The following UBE2T variants were observed in gnomAD, a reference collection of about 807,000 sequenced individuals.
UBE2T encodes the protein ubiquitin-conjugating enzyme E2 T.
In UBE2T, 15 loss-of-function variants were observed where a neutral mutation model predicts 23.3. The observed-to-expected ratio is 0.64, with a 90% CI of 0.43 to 0.99. The LOEUF is 0.99. Among genes scored for constraint, UBE2T ranks in the 50% least tolerant of loss-of-function variants. UBE2T has a pLI of 0.00. For missense variants in UBE2T, 197 were observed against 234.9 expected, an observed-to-expected ratio of 0.84 and a Z score of 1.05; for synonymous variants, 67 against 78.4, an observed-to-expected ratio of 0.85 and a Z score of 0.77.
In UBE2T at chr1:202,333,541, G is replaced by A; in HGVS notation, c.194C>T (p.Pro65Leu). Residue 65 changes from proline to leucine, a missense_variant, in exon 4 of 7, where the codon CCT becomes CTT. By Grantham distance (98) the Pro-to-Leu change is moderately conservative (BLOSUM62 -3). Transcript: ENST00000646651. The stretch of plus-strand genomic sequence containing the variant: ...TGGAGTGAGAAATCGGATCTGAGGA[G>A]GTTCAAATGGGTACCTATGAAAGAA... The part of the protein sequence containing the change: ...VIIPERYPFE[P>L]PQIRFLTPIY... 6.2e-7 allele frequency: 1 copy of A among 1,613,254 alleles called. No homozygotes were observed. Among genetic ancestry groups the A allele is most frequent in the Non-Finnish European group, 8.5e-7 (1 of 1,179,504 alleles).
intron 3 of UBE2T, 44 bp downstream of exon 3, chr1:202,334,944 TA>T: frequency 6.4e-7 from 1 of 1,569,014 alleles, no homozygotes; most frequent in Non-Finnish European, 8.7e-7. Context: ...TCCCAATTTA[TA>T]AATGCACTTC....
chr1:202,332,027 T>C, intron 6 of UBE2T, 67 bp from the exon 7 acceptor site: 3 of 1,574,854 alleles, frequency 1.9e-6, no homozygotes, highest in Non-Finnish European at 2.6e-6. Context: ...AAAATGAAGC[T>C]CTGTAATATT....
chr1:202,340,446 G>C (rs578017302), intron 1 of UBE2T, among the ~76,000 whole-genome samples: 1 of 151,804 alleles, frequency 6.6e-6, no homozygotes, highest in Non-Finnish European at 1.5e-5. Context: ...CCAGGAAGGC[G>C]GAGGTTGCAG....
chr1:202,337,563 T>C (rs944219304), intron 1 of UBE2T, among the ~76,000 whole-genome samples: 4 of 152,188 alleles, frequency 2.6e-5, no homozygotes, highest in Non-Finnish European at 5.9e-5. Flanking sequence ...CTAACATCAT[T>C]TACTGAATCA....
chr1:202,335,709 T>C lies in UBE2T; in HGVS notation c.46A>G (p.Thr16Ala). Residue 16 changes from threonine to alanine, a missense_variant, in exon 2 of 7, where the codon ACA becomes GCA. Transcript: ENST00000646651. The surrounding 1 kb of genome is among the most constrained non-coding windows in gnomAD (Gnocchi z 4.0). ...RLKRELHMLA[T>A]EPPPGITCWQ... ...CATGTGATGCCTGGGGGTGGCTCTG[T>C]GGCTAACATGTGCAGCTCTCTCTTC... The C allele has an allele frequency of 6.2e-7, 1 of 1,614,128 alleles. No homozygotes were observed. The highest frequency in any genetic ancestry group is 8.5e-7 in the Non-Finnish European group (1 of 1,180,022).
intron 6 of UBE2T, 145 bp from the exon 7 acceptor site, chr1:202,332,105 A>G: frequency 9.8e-7 from 1 of 1,022,438 alleles, no homozygotes; most frequent in Non-Finnish European, 1.3e-6. Flanking sequence ...TCTCAAAGAC[A>G]TCTTCCTCAA....
rs1208846471 is a variant in UBE2T, at chr1:202,332,931, A to C, written c.468+79T>G. The C allele has an allele frequency of 3.3e-5, 16 of 484,874 alleles. 1 individual carries two copies. In the South Asian group the frequency reaches 7.3e-4, roughly 22 times the overall value. The allele number at this position is 484,874 out of a possible 1,614,324, so 30.0% of individuals were successfully genotyped here. A position where few individuals can be genotyped will look rare whatever the true frequency, so the allele number is the denominator to read the frequency against. On this transcript the variant is annotated intron_variant, in intron 6 of 6. Coordinates refer to ENST00000646651, the MANE Select transcript of UBE2T (RefSeq NM_014176.4). Reference sequence around the variant, plus strand: ...TCAAAAAAAAAAAAAAAAAAAAAAAAAAAAAAAAACATTATTTATACATAT... The same window carrying C: ...TCAAAAAAAAAAAAAAAAAAAAAAACAAAAAAAAACATTATTTATACATAT...
At chr1:202,334,967 T>C in intron 3 of UBE2T, 22 bp downstream of exon 3, 2 of 1,607,152 alleles carry the variant, frequency 1.2e-6, no homozygotes, top group South Asian at 1.1e-5. Flanking sequence ...CCATGTAGGT[T>C]GAGAAGCTGA....
intron 1 of UBE2T, among the ~76,000 whole-genome samples, chr1:202,341,540 T>C (rs1655005142): frequency 8.6e-6 from 1 of 115,720 alleles, no homozygotes; most frequent in Non-Finnish European, 1.6e-5. Flanking sequence ...ATCCCGCCAC[T>C]GCACTCCAGC....
chr1:202,332,096 C>G, intron 6 of UBE2T, 136 bp from the exon 7 acceptor site: 4 of 1,092,656 alleles, frequency 3.7e-6, no homozygotes, highest in Admixed American at 3.0e-5. Context: ...ACGATATTCT[C>G]TCAAAGACAT....
At position 202,331,920 on chromosome 1, in the gene UBE2T, C is replaced by A. The variant is rs763798312; in HGVS notation, c.509G>T (p.Gly170Val). The A allele has an allele frequency of 1.2e-5, 19 of 1,614,044 alleles. No homozygotes were observed. In the East Asian group the frequency reaches 3.8e-4, roughly 32 times the overall value. Residue 170 changes from glycine (G) to valine (V), a missense_variant, in exon 7 of 7, where the codon GGT becomes GTT. Coordinates refer to ENST00000646651, the MANE Select transcript of UBE2T (RefSeq NM_014176.4). ...EEMLDNLPEA[G>V]DSRVHNSTQK... ...TGTTGAGTTGTGTACTCTGGAGTCACCAGCCTCTGGTAGATTATCAAGCAT... is the reference window on the plus strand; with the variant it reads ...TGTTGAGTTGTGTACTCTGGAGTCAACAGCCTCTGGTAGATTATCAAGCAT...
chr1:202,336,736 G>A (rs889532651), intron 1 of UBE2T, among the ~76,000 whole-genome samples: 1 of 152,146 alleles, frequency 6.6e-6, no homozygotes, highest in Non-Finnish European at 1.5e-5. Context: ...ACAAACAAAT[G>A]TTAAATGTCC....
At chr1:202,337,023 A>G (rs1220907251) in intron 1 of UBE2T, among the ~76,000 whole-genome samples, 4 of 152,084 alleles carry the variant, frequency 2.6e-5, no homozygotes, top group Non-Finnish European at 5.9e-5. Context: ...GGCTCACTGC[A>G]ACCTCAGCCT....
intron 1 of UBE2T, among the ~76,000 whole-genome samples, chr1:202,339,509 TTAAAAA>T (rs1396112648): frequency 6.6e-6 from 1 of 151,120 alleles, no homozygotes; most frequent in Non-Finnish European, 1.5e-5. Context: ...TACTTTTTTC[TTAAAAA>T]TAAAGATTTT....
At chr1:202,340,260 T>C (rs1654972756) in intron 1 of UBE2T, among the ~76,000 whole-genome samples, 1 of 150,818 alleles carries the variant, frequency 6.6e-6, no homozygotes, top group African/African-American at 2.4e-5. Flanking sequence ...ACACCTGTAA[T>C]CCCAGCACTT....
At chr1:202,341,744 C>G (rs1183967119) in intron 1 of UBE2T, among the ~76,000 whole-genome samples, 151 bp downstream of exon 1, 1 of 152,154 alleles carries the variant, frequency 6.6e-6, no homozygotes, top group South Asian at 2.1e-4. Flanking sequence ...TGAGACCCTC[C>G]GCTCAACAGT....
In UBE2T at chr1:202,338,614, A is replaced by G. The variant is rs190106946; in HGVS notation, c.-64-2796T>C. Among the ~76,000 whole-genome samples, 6 of 152,308 alleles carry G rather than the reference A, an allele frequency of 3.9e-5. No individual in the cohort carries two copies. In the East Asian group the frequency reaches 1.2e-3, roughly 29 times the overall value. ...CTGGGAATGGTAATTCCACACTGCC[A>G]ATCATGTCATCCACATATAATCAAG... On this transcript the variant is annotated intron_variant, in intron 1 of 6. Coordinates refer to ENST00000646651, the MANE Select transcript of UBE2T (RefSeq NM_014176.4).
At chr1:202,334,902 C>T (rs1161378994) in intron 3 of UBE2T, 87 bp downstream of exon 3, 2 of 1,261,348 alleles carry the variant, frequency 1.6e-6, no homozygotes, top group Admixed American at 2.3e-5. Flanking sequence ...AAAACCTAGT[C>T]CTTTATGCTC....
intron 3 of UBE2T, among the ~76,000 whole-genome samples, chr1:202,333,999 G>A (rs1658971369): frequency 6.6e-6 from 1 of 151,464 alleles, no homozygotes; most frequent in South Asian, 2.1e-4. Context: ...TGGTTATTAT[G>A]TATCTTTAGT....
Sources: gnomAD v4.1 joint callset for allele counts (sites outside exome capture counted in the v4.1 genomes callset) on GRCh38, gnomAD v4.1.1 for gene constraint, Gnocchi (gnomAD v3.1) non-coding constraint, MANE v1.5 for transcripts, NCBI Gene and HGNC (gene_info 2026-07-23, HGNC 2026-07-21) for gene names.